Variants in PLA2G5 observed in about 807,000 individuals in gnomAD.
PLA2G5 encodes the protein Ca2+-dependent phospholipase A2.
PLA2G5 carries 12 observed loss-of-function variants against 15.9 expected under a neutral mutation model. The observed-to-expected ratio is 0.76, with a 90% CI of 0.48 to 1.23. The LOEUF (loss-of-function observed/expected upper bound fraction) is 1.23. Among genes scored for constraint, PLA2G5 ranks in the 50% most tolerant of loss-of-function variants. The pLI, the probability that PLA2G5 is intolerant of heterozygous loss-of-function variation, is 0.00. For missense variants in PLA2G5, 169 were observed against 177.1 expected (o/e 0.95, Z 0.26); for synonymous variants, 71 against 71.4 (o/e 0.99, Z 0.03).
chr1:20,055,931 G>C (rs538378902), intron 1 of PLA2G5, among the ~76,000 whole-genome samples: 62 of 152,258 alleles, frequency 4.1e-4, no homozygotes, highest in Non-Finnish European at 7.5e-4. Flanking sequence ...GGTTCTCTAG[G>C]AAGATGACAT....
chr1:20,075,424 G>T (rs768595090), intron 1 of PLA2G5, among the ~76,000 whole-genome samples: 1 of 152,190 alleles, frequency 6.6e-6, no homozygotes, highest in Non-Finnish European at 1.5e-5. Flanking sequence ...TATTTATTGA[G>T]ACCTTACTAT....
Position 20,047,718 on chromosome 1 carries a change from T to TTGTGTG in PLA2G5, n.277-11880_277-11875dup, listed in dbSNP as rs57199460. The stretch of plus-strand genomic sequence containing the variant: ...TTCTGAAGTAAAAGCTATAGGATCT[T>TTGTGTG]TGTGTGTGTGTGTGTGTGTGTGTGT... On this transcript the variant is annotated intron_variant and non_coding_transcript_variant, in intron 1 of 6. Coordinates refer to the PLA2G5 transcript ENST00000460175. Among the ~76,000 whole-genome samples, 64 of 147,546 alleles carry TTGTGTG rather than the reference T, an allele frequency of 4.3e-4. 1 individual carries two copies. The highest frequency in any genetic ancestry group is 1.3e-3 in the African/African-American group (53 of 40,184).
intron 1 of PLA2G5, among the ~76,000 whole-genome samples, chr1:20,041,083 A>G (rs187114374): frequency 6.6e-6 from 1 of 152,366 alleles, no homozygotes; most frequent in Non-Finnish European, 1.5e-5. Context: ...CAACCTTGGC[A>G]AAATAAACTT....
In PLA2G5 at chr1:20,075,975, G is replaced by A. The variant is rs11573215; in HGVS notation, c.-11+5510G>A. Reference sequence around the variant, plus strand: ...CAACCCCCGCCTTCCGGGTTCAAGCGATTCTCCTGCCTCAGCCTCCCAAGT... The same window carrying A: ...CAACCCCCGCCTTCCGGGTTCAAGCAATTCTCCTGCCTCAGCCTCCCAAGT... On this transcript the variant is annotated intron_variant, in intron 1 of 4. Transcript: ENST00000375108. Among the ~76,000 whole-genome samples, 170 of 149,896 alleles carry A rather than the reference G, an allele frequency of 1.1e-3. 3 individuals carry two copies. Among genetic ancestry groups the A allele is most frequent in the Admixed American group, 0.01 (153 of 14,874 alleles).
intron 1 of PLA2G5, among the ~76,000 whole-genome samples, chr1:20,039,387 T>C (rs2013462584): frequency 6.6e-6 from 1 of 152,168 alleles, no homozygotes; most frequent in Non-Finnish European, 1.5e-5. Flanking sequence ...CCAAAAGCAA[T>C]GTTATATCTG....
chr1:20,090,541 C>T, intron 4 of PLA2G5, 27 bp from the exon 5 acceptor site: 1 of 1,613,788 alleles, frequency 6.2e-7, no homozygotes, highest in Non-Finnish European at 8.5e-7. Flanking sequence ...TTCCCACCCT[C>T]ATTCTGCTCT....
At chr1:20,047,927 TA>T (rs1351339568) in intron 1 of PLA2G5, among the ~76,000 whole-genome samples, 1 of 152,194 alleles carries the variant, frequency 6.6e-6, no homozygotes, top group Admixed American at 6.5e-5. Flanking sequence ...TATGCAAATT[TA>T]AGATGACTTA....
chr1:20,069,076 A>G, upstream of PLA2G5: 1 of 495,670 alleles, frequency 2.0e-6, no homozygotes, highest in Non-Finnish European at 3.8e-6. Context: ...TAGGGGAAGC[A>G]AGTGAAAACA....
At chr1:20,042,219 A>G (rs1306712604) in intron 1 of PLA2G5, among the ~76,000 whole-genome samples, 1 of 152,134 alleles carries the variant, frequency 6.6e-6, no homozygotes, top group Non-Finnish European at 1.5e-5. Flanking sequence ...ATAGATGTGA[A>G]AGATACTATA....
chr1:20,039,499 A>G (rs1284472253), intron 1 of PLA2G5, among the ~76,000 whole-genome samples: 1 of 152,256 alleles, frequency 6.6e-6, no homozygotes, highest in Admixed American at 6.5e-5. Flanking sequence ...CAAAGAATCA[A>G]TGTCAGTAAA....
chr1:20,083,945 G>A (rs2016162240), intron 1 of PLA2G5, among the ~76,000 whole-genome samples: 1 of 151,732 alleles, frequency 6.6e-6, no homozygotes, highest in African/African-American at 2.4e-5. Context: ...CTGGGTCCCA[G>A]GAGAGTGTCT....
intron 3 of PLA2G5, among the ~76,000 whole-genome samples, chr1:20,088,021 A>G (rs1171553168): frequency 1.3e-5 from 2 of 152,228 alleles, no homozygotes; most frequent in Non-Finnish European, 2.9e-5. Flanking sequence ...GTCAAGAACA[A>G]GGAAAGCATG....
intron 1 of PLA2G5, among the ~76,000 whole-genome samples, chr1:20,081,400 C>G (rs1000781218): frequency 7.2e-6 from 1 of 139,066 alleles, no homozygotes; most frequent in Non-Finnish European, 1.7e-5. Context: ...GAAATGATTG[C>G]CATTGAAAAG....
intron 1 of PLA2G5, among the ~76,000 whole-genome samples, chr1:20,031,302 A>C (rs1319987412): frequency 1.3e-5 from 2 of 152,208 alleles, no homozygotes; most frequent in Non-Finnish European, 2.9e-5. Context: ...GTTGGAAAAA[A>C]GAGGGGATCG....
At chr1:20,036,635 T>C (rs1418191727) in intron 1 of PLA2G5, among the ~76,000 whole-genome samples, 3 of 152,114 alleles carry the variant, frequency 2.0e-5, no homozygotes, top group Non-Finnish European at 4.4e-5. Context: ...TAGAGACTTC[T>C]TTGTCCATAT....
rs190601527 is a variant in PLA2G5, at chr1:20,052,009, C to G, written n.277-7623C>G. Among the ~76,000 whole-genome samples, 30 of 152,016 alleles carry G rather than the reference C, an allele frequency of 2.0e-4. No homozygotes were observed. In the East Asian group the frequency reaches 4.4e-3, roughly 23 times the overall value. ...GTTCCATCAAAGCCAATTTAAAAGCCTATGTAAAAAATAATTATTCTTGCT... is the reference window on the plus strand; with the variant it reads ...GTTCCATCAAAGCCAATTTAAAAGCGTATGTAAAAAATAATTATTCTTGCT... On this transcript the variant is annotated intron_variant and non_coding_transcript_variant, in intron 1 of 6. Coordinates refer to the PLA2G5 transcript ENST00000460175.
chr1:20,046,198 A>G (rs2013893908), intron 1 of PLA2G5: 1 of 152,084 alleles, frequency 6.6e-6, no homozygotes, highest in Non-Finnish European at 1.5e-5. Context: ...AGCTTGTCTT[A>G]ATTTCTTTTT....
upstream of PLA2G5, chr1:20,066,269 T>A (rs1194940192): frequency 6.6e-6 from 1 of 152,268 alleles, no homozygotes; most frequent in Admixed American, 6.5e-5. Flanking sequence ...ATTGAGTTAT[T>A]CATTTTCTTA....
intron 1 of PLA2G5, among the ~76,000 whole-genome samples, chr1:20,035,966 G>T (rs1055311190): frequency 4.6e-5 from 7 of 152,124 alleles, no homozygotes; most frequent in Non-Finnish European, 8.8e-5. Flanking sequence ...TTGTTTGTCT[G>T]AAAAGGACTT....
Sources: allele counts gnomAD v4.1 joint callset (sites outside exome capture counted in the v4.1 genomes callset), GRCh38; gene constraint gnomAD v4.1.1; transcripts MANE v1.5; gene names NCBI Gene and HGNC (gene_info 2026-07-23, HGNC 2026-07-21).